Variants in PRIM2 observed in about 807,000 individuals in gnomAD.
The protein encoded by PRIM2 is DNA primase large subunit.
A neutral mutation model predicts 67.3 loss-of-function variants in PRIM2; 39 were observed. That is an observed-to-expected ratio of 0.58 (90% confidence interval 0.45 to 0.76). The LOEUF (loss-of-function observed/expected upper bound fraction) is 0.76. PRIM2 is among the 30% of genes least tolerant of loss of function. The pLI is 0.00. For missense variants in PRIM2, 398 were observed against 598.7 expected (o/e 0.66, Z 3.50); for synonymous variants, 143 against 198.7 (o/e 0.72, Z 2.36).
chr6:57,425,371 C>T (rs554489875), intron 7 of PRIM2, among the ~76,000 whole-genome samples: 158 of 152,216 alleles, frequency 1.0e-3, no homozygotes, highest in African/African-American at 3.6e-3. Flanking sequence ...AGGCGCACAT[C>T]ACACCCAGCT....
chr6:57,615,989 TAATA>T (rs1776750027), intron 12 of PRIM2, among the ~76,000 whole-genome samples: 2 of 152,218 alleles, frequency 1.3e-5, no homozygotes, highest in South Asian at 4.1e-4. Context: ...TCACAGAGCT[TAATA>T]AATAAACAAT....
At chr6:57,280,008 T>C in the PRIM2 span, among the ~76,000 whole-genome samples, 3 of 152,074 alleles carry the variant, frequency 2.0e-5, no homozygotes, top group Non-Finnish European at 4.4e-5. Context: ...GGACAAGAGA[T>C]GAGGCTGAAG....
At chr6:57,286,372 AG>A in the PRIM2 span, among the ~76,000 whole-genome samples, 1 of 152,254 alleles carries the variant, frequency 6.6e-6, no homozygotes, top group Non-Finnish European at 1.5e-5. Flanking sequence ...ACAAGGCTAC[AG>A]TAACCAAAAC....
chr6:57,605,971 A>G (rs1353074620), intron 11 of PRIM2, among the ~76,000 whole-genome samples: 2 of 148,958 alleles, frequency 1.3e-5, no homozygotes, highest in Non-Finnish European at 2.9e-5. Context: ...CATTTTGTTT[A>G]TCTATCTTCC....
chr6:57,497,978 G>GAAAAAAAAAAAA (rs1774043326), intron 7 of PRIM2, among the ~76,000 whole-genome samples: 1 of 152,138 alleles, frequency 6.6e-6, no homozygotes, highest in Non-Finnish European at 1.5e-5. Flanking sequence ...GCTATTATAA[G>GAAAAAAAAAAAA]AAAATGTAGT....
intron 7 of PRIM2, among the ~76,000 whole-genome samples, chr6:57,491,261 T>G (rs1773883457): frequency 6.6e-6 from 1 of 152,224 alleles, no homozygotes; most frequent in Non-Finnish European, 1.5e-5. Context: ...CCCTATGTTC[T>G]CAGTTACTCT....
chr6:57,339,413 A>G (rs1461160845), intron 5 of PRIM2, among the ~76,000 whole-genome samples: 1 of 152,114 alleles, frequency 6.6e-6, no homozygotes, highest in Non-Finnish European at 1.5e-5. Context: ...TCCTAAGCCA[A>G]AAGAACAAAG....
At chr6:57,505,178 A>T (rs1169378168) in intron 7 of PRIM2, 6 of 152,250 alleles carry the variant, frequency 3.9e-5, no homozygotes, top group Non-Finnish European at 5.9e-5. Flanking sequence ...ACATGAAGAG[A>T]TGCATGCTCT....
At chr6:57,368,791 C>T (rs1769452379) in intron 5 of PRIM2, among the ~76,000 whole-genome samples, 1 of 152,134 alleles carries the variant, frequency 6.6e-6, no homozygotes, top group Non-Finnish European at 1.5e-5. Context: ...CTGTTCCAGT[C>T]AGTTTAGTTT....
chr6:57,347,135 CAGG>C (rs1768703253), intron 5 of PRIM2, among the ~76,000 whole-genome samples: 2 of 152,150 alleles, frequency 1.3e-5, no homozygotes, highest in African/African-American at 4.8e-5. Context: ...CTCCCCATTC[CAGG>C]AGAATCCTTC....
At position 57,646,510 on chromosome 6, in the gene PRIM2, CT is replaced by C. The variant is rs1236435010; in HGVS notation, c.*366del. On this transcript the variant is annotated 3_prime_UTR_variant, in exon 14 of 14. Transcript: ENST00000615550. ...ACGGTTGTGAGCCACTGTGCCTGGC[CT>C]TTTTTTTTTTTTTAACCTTTTTGTT... 0.12 allele frequency: 19,770 copies of C among 161,172 alleles called. 901 individuals carry two copies. Among genetic ancestry groups the C allele is most frequent in the East Asian group, 0.21 (1,171 of 5,580 alleles). 10.0% of individuals were successfully genotyped at this position (161,172 alleles called of 1,614,324 possible). A position where few individuals can be genotyped will look rare whatever the true frequency, so the allele number is the denominator to read the frequency against.
intron 12 of PRIM2, among the ~76,000 whole-genome samples, chr6:57,619,370 C>T (rs1459096051): frequency 6.6e-6 from 1 of 152,050 alleles, no homozygotes; most frequent in Non-Finnish European, 1.5e-5. Context: ...ATCAACACCC[C>T]CTAAAAATCA....
chr6:57,567,986 T>C (rs1775782051), intron 10 of PRIM2, among the ~76,000 whole-genome samples: 1 of 152,232 alleles, frequency 6.6e-6, no homozygotes, highest in Admixed American at 6.5e-5. Context: ...TGTTTGTTTG[T>C]TCATAGGCAT....
rs1000298410 is a variant in PRIM2 at position 57,466,258 on chromosome 6, T to A, written c.694-41129T>A. On this transcript the variant is annotated intron_variant, in intron 7 of 13. Transcript: ENST00000615550. ...TGGGTTGGTTCCAAGTCTTTGCTAT[T>A]GTGAACAGTGCTGCAATAAACATAC... Among the ~76,000 whole-genome samples the A allele has an allele frequency of 1.3e-3, 192 of 152,362 alleles. 5 individuals carry two copies. The East Asian group carries it at 0.016, about 13-fold the overall frequency.
intron 13 of PRIM2, among the ~76,000 whole-genome samples, chr6:57,645,320 TTCACACAC>T (rs1777315560): frequency 1.4e-5 from 1 of 70,914 alleles, no homozygotes; most frequent in African/African-American, 5.4e-5. Context: ...TACAATGTCA[TTCACACAC>T]ACACACACAC....
Position 57,377,354 on chromosome 6 carries a change from T to C in PRIM2, c.460-2547T>C, listed in dbSNP as rs554322657. Among the ~76,000 whole-genome samples the C allele has an allele frequency of 2.6e-5, 4 of 152,346 alleles. No individual in the cohort carries two copies. In the South Asian group the frequency reaches 8.3e-4, roughly 32 times the overall value. On this transcript the variant is annotated intron_variant, in intron 5 of 13. Coordinates refer to ENST00000615550, the MANE Select transcript of PRIM2 (RefSeq NM_000947.5). ...GATACTTTTTTGTTCTTACCTATAT[T>C]GTTTTTATTCATGGAGTCTCATTTC...
rs550802870 is a variant in PRIM2, at chr6:57,379,059, A to G, written c.460-842A>G. On this transcript the variant is annotated intron_variant, in intron 5 of 13. Coordinates refer to ENST00000615550, the MANE Select transcript of PRIM2 (RefSeq NM_000947.5). ...CATTTTTAAAGGCTATTTGATATGTATTATCAAAGTATGGTACACAAAGAT... is the reference window on the plus strand; with the variant it reads ...CATTTTTAAAGGCTATTTGATATGTGTTATCAAAGTATGGTACACAAAGAT... 1.6e-3 allele frequency among the ~76,000 whole-genome samples: 207 copies of G among 128,928 alleles called. 3 individuals are homozygous for G. The highest frequency in any genetic ancestry group is 5.7e-3 in the African/African-American group (193 of 33,714). 84.6% of individuals were successfully genotyped at this position (128,928 alleles called of 152,430 possible). A position where few individuals can be genotyped will look rare whatever the true frequency, so the allele number is the denominator to read the frequency against.
chr6:57,351,786 A>G (rs1768863718), intron 5 of PRIM2, among the ~76,000 whole-genome samples: 1 of 152,154 alleles, frequency 6.6e-6, no homozygotes, highest in African/African-American at 2.4e-5. Context: ...TTGAAAGTAT[A>G]TAATCACAAT....
chr6:57,400,157 G>C (rs1387891082), intron 7 of PRIM2, among the ~76,000 whole-genome samples: 2 of 152,272 alleles, frequency 1.3e-5, no homozygotes, highest in African/African-American at 4.8e-5. Context: ...TTGTTAGCTG[G>C]TTATTCTGCT....
Sources: allele counts gnomAD v4.1 joint callset (sites outside exome capture counted in the v4.1 genomes callset), GRCh38; gene constraint gnomAD v4.1.1; transcripts MANE v1.5; gene names NCBI Gene and HGNC (gene_info 2026-07-23, HGNC 2026-07-21).